Variants in ATRNL1 observed in about 807,000 individuals in gnomAD.
ATRNL1 encodes the protein attractin like 1, also known as attractin-like protein 1.
In ATRNL1, 95 loss-of-function variants were observed where a neutral mutation model predicts 182.7. That is an observed-to-expected ratio of 0.52 (90% CI 0.44 to 0.62). The LOEUF (loss-of-function observed/expected upper bound fraction) is 0.62. ATRNL1 is among the 20% of genes least tolerant of loss of function. The probability of loss-of-function intolerance (pLI) is 0.00; values close to 1 mark genes in which losing one functional copy is unlikely to be tolerated. For synonymous variants in ATRNL1, 576 were observed against 568.3 expected, an observed-to-expected ratio of 1.01 and a Z score of -0.19; for missense variants, 1,471 against 1,679.5, an observed-to-expected ratio of 0.88 and a Z score of 2.17.
In ATRNL1 at chr10:115,895,371, G is replaced by A. The variant is rs61865191; in HGVS notation, c.4018+47380G>A. Among the ~76,000 whole-genome samples, 7 of 152,256 alleles carry A rather than the reference G, an allele frequency of 4.6e-5. No homozygotes were observed. In the South Asian group the frequency reaches 6.2e-4, roughly 14 times the overall value. On this transcript the variant is annotated intron_variant, in intron 28 of 28. Transcript: ENST00000355044. ...CGGGTGCAGTGCCTTTTCAGCTGCC[G>A]CAAGGTTAGGCATACAGGAGCGTGT...
At chr10:115,212,362 G>C (rs1271020445) in intron 8 of ATRNL1, among the ~76,000 whole-genome samples, 1 of 151,202 alleles carries the variant, frequency 6.6e-6, no homozygotes, top group Non-Finnish European at 1.5e-5. Context: ...TAGTAGTGAG[G>C]TTGCAGAGAA....
rs183634800 is a variant in ATRNL1, at chr10:115,882,292, G to A, written c.4018+34301G>A. Among the ~76,000 whole-genome samples the A allele has an allele frequency of 3.9e-3, 593 of 152,302 alleles. 1 individual carries two copies. The highest frequency in any genetic ancestry group is 6.7e-3 in the Non-Finnish European group (457 of 68,034). On this transcript the variant is annotated intron_variant, in intron 28 of 28. Transcript: ENST00000355044. ...CCCACACTAGTTAGGGGTGTGGCGG[G>A]CTTTGGGAGAAAGGCTGGTGGTCAG...
At chr10:115,608,503 C>A (rs1555018134) in intron 26 of ATRNL1, among the ~76,000 whole-genome samples, 5 of 151,928 alleles carry the variant, frequency 3.3e-5, no homozygotes, top group Non-Finnish European at 7.4e-5. Context: ...TTTATTATAA[C>A]CCTATATTAT....
intron 10 of ATRNL1, among the ~76,000 whole-genome samples, chr10:115,259,320 G>A (rs1554908044): frequency 6.6e-6 from 1 of 152,198 alleles, no homozygotes; most frequent in Non-Finnish European, 1.5e-5. Flanking sequence ...TCAAGCCTCA[G>A]CAATGGCGGA....
intron 26 of ATRNL1, among the ~76,000 whole-genome samples, chr10:115,583,966 G>T (rs555381315): frequency 1.3e-5 from 2 of 152,274 alleles, no homozygotes; most frequent in Admixed American, 1.3e-4. Context: ...ATGAAGCATT[G>T]TTGAATTTTG....
intron 27 of ATRNL1, among the ~76,000 whole-genome samples, chr10:115,783,993 C>T (rs1369407653): frequency 1.3e-5 from 2 of 152,140 alleles, no homozygotes; most frequent in Non-Finnish European, 2.9e-5. Context: ...AGCCTGGTGA[C>T]AGAGCGAGAC....
chr10:115,231,171 A>G (rs1849935082), intron 9 of ATRNL1, among the ~76,000 whole-genome samples: 1 of 152,150 alleles, frequency 6.6e-6, no homozygotes, highest in African/African-American at 2.4e-5. Context: ...AGATGAGGAG[A>G]AACAACCAGA....
intron 26 of ATRNL1, among the ~76,000 whole-genome samples, chr10:115,664,828 T>C (rs1344026119): frequency 1.2e-4 from 19 of 152,174 alleles, no homozygotes; most frequent in Non-Finnish European, 2.9e-5. Flanking sequence ...TAAATTTACC[T>C]AACTGTAATT....
chr10:115,206,015 A>G (rs1054911551), intron 8 of ATRNL1, among the ~76,000 whole-genome samples: 1 of 152,040 alleles, frequency 6.6e-6, no homozygotes. Context: ...CACTGACTGT[A>G]TAGATTATCT....
intron 26 of ATRNL1, among the ~76,000 whole-genome samples, chr10:115,624,320 T>G (rs1216025518): frequency 1.3e-5 from 2 of 152,098 alleles, no homozygotes; most frequent in South Asian, 4.1e-4. Context: ...TTTCTAAAGA[T>G]AGAAAAATAT....
chr10:115,615,582 C>A (rs782476522), intron 26 of ATRNL1, among the ~76,000 whole-genome samples: 1 of 151,992 alleles, frequency 6.6e-6, no homozygotes, highest in Non-Finnish European at 1.5e-5. Flanking sequence ...AATGTAATCC[C>A]CGTTATTGGA....
In ATRNL1 at chr10:115,121,815, G is replaced by T; in HGVS notation, c.491+3G>T. 1.5e-6 allele frequency: 2 copies of T among 1,360,374 alleles called. No homozygotes were observed. Among genetic ancestry groups the T allele is most frequent in the South Asian group, 1.3e-5 (1 of 74,158 alleles). The allele number at this position is 1,360,374 out of a possible 1,614,324, so 84.3% of individuals were successfully genotyped here. A position where few individuals can be genotyped will look rare whatever the true frequency, so the allele number is the denominator to read the frequency against. On this transcript the variant is annotated splice_donor_region_variant and intron_variant, in intron 3 of 28. Transcript: ENST00000355044. Reference sequence around the variant, plus strand: ...GCACCTTTAATAGCTGTACTTAGGTGAGTAATTATATTTAATCAGTTGCAG... The same window carrying T: ...GCACCTTTAATAGCTGTACTTAGGTTAGTAATTATATTTAATCAGTTGCAG...
At chr10:115,649,490 G>A (rs1859845119) in intron 26 of ATRNL1, among the ~76,000 whole-genome samples, 1 of 152,060 alleles carries the variant, frequency 6.6e-6, no homozygotes, top group Non-Finnish European at 1.5e-5. Context: ...TGAATTGTTA[G>A]GTATGTTAGA....
chr10:115,276,932 G>A (rs1329456469), intron 13 of ATRNL1, among the ~76,000 whole-genome samples: 1 of 152,018 alleles, frequency 6.6e-6, no homozygotes, highest in South Asian at 2.1e-4. Flanking sequence ...TTATTTGGAT[G>A]GAGACTCTGT....
At chr10:115,107,302 G>T (rs1212188662) in intron 1 of ATRNL1, among the ~76,000 whole-genome samples, 2 of 152,162 alleles carry the variant, frequency 1.3e-5, no homozygotes, top group African/African-American at 2.4e-5. Flanking sequence ...GGTGAGACAG[G>T]TATAGGATCT....
chr10:115,265,329 T>G (rs1554910266), intron 11 of ATRNL1, 52 bp downstream of exon 11: 1 of 1,112,358 alleles, frequency 9.0e-7, no homozygotes, highest in East Asian at 2.4e-5. Flanking sequence ...TCAGTCATAC[T>G]ATCCTCATAT....
chr10:115,098,864 G>A (rs1252981107), intron 1 of ATRNL1, among the ~76,000 whole-genome samples: 1 of 152,132 alleles, frequency 6.6e-6, no homozygotes, highest in African/African-American at 2.4e-5. Context: ...TGTCAAAAAT[G>A]AGGTGTTTAA....
At chr10:115,289,947 A>G (rs1445835998) in intron 15 of ATRNL1, among the ~76,000 whole-genome samples, 3 of 152,080 alleles carry the variant, frequency 2.0e-5, no homozygotes, top group African/African-American at 7.2e-5. Context: ...TAGGTAGTGC[A>G]TTGAGTCTGT....
At position 115,551,520 on chromosome 10, in the gene ATRNL1, C is replaced by A. The variant is rs540623319; in HGVS notation, c.3795+1984C>A. ...TAATATAATGCCCTTCTTTCCAAAA[C>A]TCATCCAGGTAGTGCTTCTTTCTAT... On this transcript the variant is annotated intron_variant, in intron 26 of 28. Transcript: ENST00000355044. Among the ~76,000 whole-genome samples, 30 of 151,466 alleles carry A rather than the reference C, an allele frequency of 2.0e-4. 1 individual carries two copies. In the East Asian group the frequency reaches 3.9e-3, roughly 20 times the overall value.
Sources: gnomAD v4.1 joint callset for allele counts (sites outside exome capture counted in the v4.1 genomes callset) on GRCh38, gnomAD v4.1.1 for gene constraint, MANE v1.5 for transcripts, NCBI Gene and HGNC (gene_info 2026-07-23, HGNC 2026-07-21) for gene names.